The following PATJ variants were observed in gnomAD, a reference collection of about 807,000 sequenced individuals.
PATJ encodes the protein PATJ crumbs cell polarity complex component.
PATJ carries 190 observed loss-of-function variants against 224.9 expected under a neutral mutation model. The ratio of observed to expected loss-of-function variants is 0.84; its 90% CI spans 0.75 to 0.95. PATJ has a LOEUF of 0.95. Ranked by LOEUF, PATJ falls within the 40% of genes least tolerant of loss-of-function variation. PATJ has a pLI of 0.00. For missense variants in PATJ, 2,121 were observed against 2,270.3 expected (o/e 0.93, Z 1.34); for synonymous variants, 769 against 820.3 (o/e 0.94, Z 1.07).
At chr1:61,869,522 C>T (rs1665999725) in intron 20 of PATJ, among the ~76,000 whole-genome samples, 1 of 152,174 alleles carries the variant, frequency 6.6e-6, no homozygotes, top group East Asian at 1.9e-4. Context: ...TTGATAGCCT[C>T]ATTTCCTAGA....
At chr1:61,915,091 A>G (rs1673265484) in intron 26 of PATJ, among the ~76,000 whole-genome samples, 1 of 152,228 alleles carries the variant, frequency 6.6e-6, no homozygotes, top group African/African-American at 2.4e-5. Context: ...CTTCCTGTCA[A>G]TCAGAATTAA....
intron 25 of PATJ, among the ~76,000 whole-genome samples, chr1:61,911,466 C>G (rs1672627958): frequency 6.6e-6 from 1 of 152,040 alleles, no homozygotes; most frequent in Non-Finnish European, 1.5e-5. Context: ...CCCACCTCGG[C>G]CTCCCAAAGT....
intron 41 of PATJ, among the ~76,000 whole-genome samples, chr1:62,144,793 TATAA>T (rs1667872969): frequency 6.8e-6 from 1 of 146,026 alleles, no homozygotes; most frequent in Admixed American, 6.9e-5. Flanking sequence ...TATATATATA[TATAA>T]TTAGCAGAAT....
chr1:61,788,917 G>A (rs1057396463), intron 8 of PATJ, among the ~76,000 whole-genome samples: 26 of 152,108 alleles, frequency 1.7e-4, no homozygotes, highest in Middle Eastern at 6.8e-3. Context: ...CAGGTGATCC[G>A]CCCACCTCAG....
In PATJ at chr1:61,827,512, C is replaced by A; in HGVS notation, c.1909C>A (p.Arg637=). Residue 637 remains arginine, a synonymous_variant, in exon 16 of 44, where the codon CGG becomes AGG. Coordinates refer to ENST00000642238, the MANE Select transcript of PATJ (RefSeq NM_001350145.3). ...ACCCCCTTTTACTTTGGTTTGCTGT[C>A]GGAGGTTGTTTGATGATGAAGCTTC... ...VPPPFTLVCC[R]RLFDDEASVD... 1 of 1,613,978 alleles carries A rather than the reference C, an allele frequency of 6.2e-7. No individual in the cohort carries two copies. The highest frequency in any genetic ancestry group is 1.1e-5 in the South Asian group (1 of 91,054).
chr1:61,784,203 A>G (rs1648015046), intron 7 of PATJ, among the ~76,000 whole-genome samples: 1 of 152,176 alleles, frequency 6.6e-6, no homozygotes, highest in Non-Finnish European at 1.5e-5. Context: ...TTATATGTGA[A>G]TGTTTGATTA....
rs200693394 is a variant in PATJ, at chr1:61,760,619, C to CTTT, written c.-35-2226_-35-2224dup. Among the ~76,000 whole-genome samples the CTTT allele has an allele frequency of 1.9e-3, 259 of 135,466 alleles. 3 individuals are homozygous for CTTT. The highest frequency in any genetic ancestry group is 6.1e-3 in the African/African-American group (223 of 36,686). The allele number at this position is 135,466 out of a possible 152,430, so 88.9% of individuals were successfully genotyped here. ...TCTTTTTTCTTTTCTTTTTCTTTTT[C>CTTT]TTTTTTTTTTTTTTTGAGACAGAGT... On this transcript the variant is annotated intron_variant, in intron 1 of 43. Coordinates refer to ENST00000642238, the MANE Select transcript of PATJ (RefSeq NM_001350145.3).
chr1:61,935,550 T>G (rs1009347605), intron 27 of PATJ, among the ~76,000 whole-genome samples: 13 of 152,182 alleles, frequency 8.5e-5, no homozygotes, highest in Non-Finnish European at 1.5e-4. Context: ...CCCAGCACTT[T>G]GGGAGGCCAA....
chr1:61,919,670 C>T lies in PATJ; in HGVS notation c.3570+5006C>T, dbSNP rs541278637. On this transcript the variant is annotated intron_variant, in intron 26 of 43. Transcript: ENST00000642238. ...TAAATTGAATTTCTGTTTTTTGGTACTAAGGGTTTTTTGTTTGTTTGTTTG... is the reference window on the plus strand; with the variant it reads ...TAAATTGAATTTCTGTTTTTTGGTATTAAGGGTTTTTTGTTTGTTTGTTTG... Among the ~76,000 whole-genome samples, 4 of 151,980 alleles carry T rather than the reference C, an allele frequency of 2.6e-5. No individual in the cohort carries two copies. In the East Asian group the frequency reaches 7.7e-4, roughly 29 times the overall value.
chr1:61,794,005 C>T (rs1445395219), intron 9 of PATJ, among the ~76,000 whole-genome samples: 32 of 149,064 alleles, frequency 2.1e-4, no homozygotes, highest in Non-Finnish European at 3.4e-4. Context: ...CAGGTTCAAG[C>T]GATTCTCCTG....
chr1:61,937,752 G>A (rs1486715247), intron 27 of PATJ, among the ~76,000 whole-genome samples: 1 of 150,070 alleles, frequency 6.7e-6, no homozygotes, highest in African/African-American at 2.4e-5. Flanking sequence ...CTGAATTCAA[G>A]TGATTCTCCT....
In PATJ at chr1:62,153,407, G is replaced by C. The variant is rs1466700011; in HGVS notation, c.5428G>C (p.Gly1810Arg). Residue 1810 changes from glycine to arginine, a missense_variant, in exon 43 of 44, where the codon GGG becomes CGG. Coordinates refer to ENST00000642238, the MANE Select transcript of PATJ (RefSeq NM_001350145.3). ...ITLEKGSEGL[G>R]FSIVGGYGSP... ...TTTGGAGAAAGGCTCTGAAGGCTTG[G>C]GGTTTAGTATTGTAGGGGGTTATGG... The C allele has an allele frequency of 8.1e-7, 1 of 1,231,546 alleles. No individual in the cohort carries two copies. The highest frequency in any genetic ancestry group is 1.0e-6 in the Non-Finnish European group (1 of 987,592). 76.3% of individuals were successfully genotyped at this position (1,231,546 alleles called of 1,614,324 possible). A position where few individuals can be genotyped will look rare whatever the true frequency, so the allele number is the denominator to read the frequency against.
Position 61,835,355 on chromosome 1 carries a change from A to G in PATJ, c.2112+1570A>G, listed in dbSNP as rs1274559540. ...TAATAAATATTTGCAGAATGATTTAATAAAGTTTAGGTTAGCCAAAAATAG... is the reference window on the plus strand; with the variant it reads ...TAATAAATATTTGCAGAATGATTTAGTAAAGTTTAGGTTAGCCAAAAATAG... On this transcript the variant is annotated intron_variant, in intron 17 of 43. Transcript: ENST00000642238. Among the ~76,000 whole-genome samples the G allele has an allele frequency of 2.0e-5, 3 of 152,116 alleles. No individual in the cohort carries two copies. The East Asian group carries it at 5.8e-4, about 29-fold the overall frequency.
chr1:61,938,923 A>G (rs1248765449), intron 27 of PATJ, among the ~76,000 whole-genome samples: 1 of 151,934 alleles, frequency 6.6e-6, no homozygotes, highest in African/African-American at 2.4e-5. Flanking sequence ...TTTAAAAAGA[A>G]TCATGTAATT....
intron 28 of PATJ, chr1:61,991,766 T>G: frequency 1.0e-6 from 1 of 981,604 alleles, no homozygotes; most frequent in Non-Finnish European, 1.2e-6. Context: ...GATGACCTTA[T>G]GTAACCAATA....
chr1:62,096,444 T>C (rs1171579455), intron 33 of PATJ, among the ~76,000 whole-genome samples: 1 of 152,182 alleles, frequency 6.6e-6, no homozygotes, highest in Non-Finnish European at 1.5e-5. Context: ...TTAGAGCTTG[T>C]TGGCATTCAC....
intron 17 of PATJ, among the ~76,000 whole-genome samples, chr1:61,854,742 T>C (rs938782838): frequency 2.0e-5 from 3 of 152,198 alleles, no homozygotes; most frequent in African/African-American, 7.2e-5. Context: ...AGTTAGTGAT[T>C]GTCAAGCCCA....
intron 7 of PATJ, among the ~76,000 whole-genome samples, chr1:61,776,713 T>C (rs1646931004): frequency 6.6e-6 from 1 of 150,746 alleles, no homozygotes; most frequent in African/African-American, 2.4e-5. Flanking sequence ...GAAAGTCACC[T>C]GCAAGATTAA....
intron 27 of PATJ, among the ~76,000 whole-genome samples, chr1:61,946,463 C>A (rs868348829): frequency 6.6e-6 from 1 of 152,136 alleles, no homozygotes; most frequent in Non-Finnish European, 1.5e-5. Flanking sequence ...ACTAGAAAAT[C>A]TAGAAGAAAT....
Sources: allele counts gnomAD v4.1 joint callset (sites outside exome capture counted in the v4.1 genomes callset), GRCh38; gene constraint gnomAD v4.1.1; transcripts MANE v1.5; gene names NCBI Gene and HGNC (gene_info 2026-07-23, HGNC 2026-07-21).